Variants in RRM2 observed in about 807,000 individuals in gnomAD.
RRM2 encodes ribonucleotide reductase regulatory subunit M2.
A neutral mutation model predicts 45.9 loss-of-function variants in RRM2; 6 were observed. The ratio of observed to expected loss-of-function variants is 0.13; its 90% confidence interval spans 0.07 to 0.26. The LOEUF is 0.26. RRM2 is among the 10% of genes least tolerant of loss of function. RRM2 has a pLI of 1.00. For missense variants in RRM2, 343 were observed against 489.5 expected (o/e 0.70, Z 2.82); for synonymous variants, 177 against 173.0 (o/e 1.02, Z -0.18).
chr2:10,196,896 G>A (rs1664426839), intron 3 of RRM2, among the ~76,000 whole-genome samples: 1 of 152,294 alleles, frequency 6.6e-6, no homozygotes, highest in South Asian at 2.1e-4. Flanking sequence ...GGGTCCCTGG[G>A]AGCGCATCCC....
intron 5 of RRM2, among the ~76,000 whole-genome samples, chr2:10,125,772 C>G (rs1558380166): frequency 6.6e-6 from 1 of 152,128 alleles, no homozygotes; most frequent in African/African-American, 2.4e-5. Context: ...CCGTTGTAGA[C>G]TTTGAAGTAC....
Position 10,127,333 on chromosome 2 carries a change from G to T in RRM2, c.798+113G>T. The T allele has an allele frequency of 9.4e-7, 1 of 1,065,054 alleles. No homozygotes were observed. The highest frequency in any genetic ancestry group is 1.4e-6 in the Non-Finnish European group (1 of 737,910). 66.0% of individuals were successfully genotyped at this position (1,065,054 alleles called of 1,614,324 possible). A position where few individuals can be genotyped will look rare whatever the true frequency, so the allele number is the denominator to read the frequency against. ...TAGATGGCATATATCCACATTTAAT[G>T]TGTGAGTTCAACCATACACATACTT... On this transcript the variant is annotated intron_variant, in intron 7 of 9. Coordinates refer to ENST00000304567, the MANE Select transcript of RRM2 (RefSeq NM_001034.4). This position sits in a 1 kb window ranked among gnomAD's most constrained non-coding sequence, Gnocchi z 4.1.
In RRM2 at chr2:10,129,888, C is replaced by T. The variant is rs547511857; in HGVS notation, c.*502C>T. The T allele has an allele frequency of 6.5e-6, 1 of 153,212 alleles. No homozygotes were observed. The highest frequency in any genetic ancestry group is 1.5e-5 in the Non-Finnish European group (1 of 68,508). The allele number at this position is 153,212 out of a possible 1,614,324, so 9.5% of individuals were successfully genotyped here. On this transcript the variant is annotated 3_prime_UTR_variant, in exon 10 of 10. Coordinates refer to ENST00000304567, the MANE Select transcript of RRM2 (RefSeq NM_001034.4). This position sits in a 1 kb window ranked among gnomAD's most constrained non-coding sequence, Gnocchi z 4.8. Reference sequence around the variant, plus strand: ...AGCCAATTCACAATTCACTAAGTGACTAAAGTAAGTTAAACTTGTGTAGAC... The same window carrying T: ...AGCCAATTCACAATTCACTAAGTGATTAAAGTAAGTTAAACTTGTGTAGAC...
intron 3 of RRM2, among the ~76,000 whole-genome samples, chr2:10,158,822 G>T (rs1169994558): frequency 6.6e-6 from 1 of 152,130 alleles, no homozygotes; most frequent in African/African-American, 2.4e-5. Flanking sequence ...TGCTTCCGAG[G>T]AGTGGCCTTC....
chr2:10,165,074 C>A (rs2125320296), intron 3 of RRM2, among the ~76,000 whole-genome samples: 1 of 152,340 alleles, frequency 6.6e-6, no homozygotes, highest in South Asian at 2.1e-4. Flanking sequence ...ACCTTAGCCT[C>A]CTGAGTAGCT....
chr2:10,123,883 G>A (rs759347499), intron 4 of RRM2, 31 bp downstream of exon 4: 2 of 1,240,366 alleles, frequency 1.6e-6, no homozygotes, highest in Admixed American at 3.4e-5. Context: ...TCATTCATTT[G>A]ACGTTGACGA....
At chr2:10,142,159 C>T (rs1049967169) in intron 2 of RRM2, 18 of 1,551,754 alleles carry the variant, frequency 1.2e-5, no homozygotes, top group Non-Finnish European at 1.6e-5. Context: ...GTGGTCAGAG[C>T]AGAGTGAGGG....
intron 3 of RRM2, among the ~76,000 whole-genome samples, chr2:10,151,599 C>T (rs1663313670): frequency 6.6e-6 from 1 of 152,098 alleles, no homozygotes; most frequent in Admixed American, 6.6e-5. Flanking sequence ...CACCTGGCCA[C>T]ATTGCTGTTG....
At chr2:10,201,766 T>A (rs894170039) in intron 3 of RRM2, among the ~76,000 whole-genome samples, 3 of 152,194 alleles carry the variant, frequency 2.0e-5, no homozygotes, top group African/African-American at 7.2e-5. Flanking sequence ...CTAAAACATA[T>A]CAGGATTGTA....
At chr2:10,197,996 G>A (rs1323849246) in intron 3 of RRM2, among the ~76,000 whole-genome samples, 2 of 152,128 alleles carry the variant, frequency 1.3e-5, no homozygotes, top group Admixed American at 6.5e-5. Context: ...CTACAAGCAC[G>A]CTCCTAAGCA....
intron 3 of RRM2, among the ~76,000 whole-genome samples, chr2:10,170,175 G>A (rs1017707180): frequency 1.3e-5 from 2 of 152,186 alleles, no homozygotes; most frequent in South Asian, 2.1e-4. Flanking sequence ...CCCTTGAGCC[G>A]CCTCTACCTT....
chr2:10,173,222 A>G (rs897360115), intron 3 of RRM2, among the ~76,000 whole-genome samples: 8 of 152,158 alleles, frequency 5.3e-5, no homozygotes, highest in Admixed American at 1.3e-4. Flanking sequence ...CATGGGTTCC[A>G]TAGCAGGCAC....
At chr2:10,182,915 T>C (rs1469129135) in intron 3 of RRM2, among the ~76,000 whole-genome samples, 1 of 152,176 alleles carries the variant, frequency 6.6e-6, no homozygotes, top group African/African-American at 2.4e-5. Context: ...TAATGGTTCA[T>C]ACCTGTGATC....
chr2:10,157,216 G>A (rs939970157), intron 3 of RRM2, among the ~76,000 whole-genome samples: 3 of 152,170 alleles, frequency 2.0e-5, no homozygotes, highest in African/African-American at 7.2e-5. Context: ...TTTTAGTAGA[G>A]ACGGGGTTTC....
exon 4 of RRM2, chr2:10,210,342 C>T (rs1423566786): frequency 7.3e-7 from 1 of 1,367,568 alleles, no homozygotes; most frequent in Non-Finnish European, 9.8e-7. Flanking sequence ...TCTCTCACTG[C>T]AGAGTCTGGA....
At chr2:10,144,312 T>G (rs1178363367) in intron 3 of RRM2, among the ~76,000 whole-genome samples, 1 of 152,224 alleles carries the variant, frequency 6.6e-6, no homozygotes, top group Non-Finnish European at 1.5e-5. Flanking sequence ...CAGATACGCT[T>G]GCTAATGCAC....
At chr2:10,201,150 A>C (rs1572535704) in intron 3 of RRM2, among the ~76,000 whole-genome samples, 1 of 148,486 alleles carries the variant, frequency 6.7e-6, no homozygotes, top group East Asian at 2.0e-4. Flanking sequence ...TTCCATCTCA[A>C]AAAAAAAAAA....
chr2:10,170,785 T>C lies in RRM2; in HGVS notation n.482+28410T>C, dbSNP rs1006349926. On this transcript the variant is annotated intron_variant and non_coding_transcript_variant, in intron 3 of 3. Coordinates refer to the RRM2 transcript ENST00000381786. ...GCAGCACAGGAGACTCCATGGGGCC[T>C]GTGTCCCGCACCCCCACGCCCCCGC... Among the ~76,000 whole-genome samples, 3 of 152,190 alleles carry C rather than the reference T, an allele frequency of 2.0e-5. No individual in the cohort carries two copies. The South Asian group carries it at 6.2e-4, about 31-fold the overall frequency.
In RRM2 at chr2:10,210,168, T is replaced by G. The variant is rs116756839; in HGVS notation, n.483-143T>G. Reference sequence around the variant, plus strand: ...TCTCTCTGTGGACCTTTCTCCCTCATGGACTCCCACCTCCTTGTGGGCAGG... The same window carrying G: ...TCTCTCTGTGGACCTTTCTCCCTCAGGGACTCCCACCTCCTTGTGGGCAGG... On this transcript the variant is annotated intron_variant and non_coding_transcript_variant, in intron 3 of 3. Coordinates refer to the RRM2 transcript ENST00000381786. 1,038 of 416,828 alleles carry G rather than the reference T, an allele frequency of 2.5e-3. 9 individuals carry two copies. Among genetic ancestry groups the G allele is most frequent in the African/African-American group, 0.019 (906 of 48,052 alleles). The allele number at this position is 416,828 out of a possible 1,614,324, so 25.8% of individuals were successfully genotyped here. A position where few individuals can be genotyped will look rare whatever the true frequency, so the allele number is the denominator to read the frequency against.
Sources: allele counts gnomAD v4.1 joint callset (sites outside exome capture counted in the v4.1 genomes callset), GRCh38; gene constraint gnomAD v4.1.1; non-coding constraint Gnocchi (gnomAD v3.1); transcripts MANE v1.5; gene names NCBI Gene and HGNC (gene_info 2026-07-23, HGNC 2026-07-21).